ZBTB47: variants seen among roughly 807,000 people sequenced by gnomAD.
ZBTB47 encodes the protein zinc finger and BTB domain-containing protein 47.
A neutral mutation model predicts 56.6 loss-of-function variants in ZBTB47; 24 were observed. That is an observed-to-expected ratio of 0.42 (90% confidence interval 0.31 to 0.60). The LOEUF is 0.60. Ranked by LOEUF, ZBTB47 falls within the 20% of genes least tolerant of loss-of-function variation. ZBTB47 has a pLI of 0.14. For missense variants in ZBTB47, 829 were observed against 1,032.6 expected, an observed-to-expected ratio of 0.80 and a Z score of 2.70; for synonymous variants, 414 against 418.9, an observed-to-expected ratio of 0.99 and a Z score of 0.14.
Position 42,658,585 on chromosome 3 carries a change from C to T in ZBTB47, c.230C>T (p.Ser77Phe), listed in dbSNP as rs1455029635. The change falls in exon 2 of 6, where the codon TCC becomes TTC. Residue 77 changes from serine (S) to phenylalanine (F), a missense_variant. Ser to Phe is a radical substitution (Grantham distance 155). Around this residue, in one of 6 missense-constraint regions of ZBTB47, gnomAD observed 120 missense variants for 200.2 expected, o/e 0.60. Coordinates refer to ENST00000232974, the MANE Select transcript of ZBTB47 (RefSeq NM_145166.4). ...LQQILNFIYTSKLLVNAANVH... is the reference protein window; with the variant it reads ...LQQILNFIYTFKLLVNAANVH... ...CAGATCCTCAACTTCATCTATACGT[C>T]CAAGCTGCTGGTCAACGCGGCCAAC... 6.5e-7 allele frequency: 1 copy of T among 1,536,988 alleles called. No individual in the cohort carries two copies. The highest frequency in any genetic ancestry group is 8.7e-7 in the Non-Finnish European group (1 of 1,146,942).
rs951315401 is a variant in ZBTB47, at chr3:42,659,254, G to T, written c.899G>T (p.Arg300Leu). ...GAAGAGGAAGGTGGTGGCAGTGGAC[G>T]GGAGGAGGAGGAGGAGGAAGAGGGT... ...EEEEEGGGSG[R>L]EEEEEEEGGS... Residue 300 changes from arginine (R) to leucine (L), a missense_variant, in exon 2 of 6, where the codon CGG becomes CTG. Around this residue, in one of 6 missense-constraint regions of ZBTB47, gnomAD observed 359 missense variants for 359.8 expected, o/e 1.00. Coordinates refer to ENST00000232974, the MANE Select transcript of ZBTB47 (RefSeq NM_145166.4). 1 of 1,504,670 alleles carries T rather than the reference G, an allele frequency of 6.6e-7. No individual in the cohort carries two copies. The highest frequency in any genetic ancestry group is 8.9e-7 in the Non-Finnish European group (1 of 1,124,908). 93.2% of individuals were successfully genotyped at this position (1,504,670 alleles called of 1,614,324 possible).
rs966864884 is a variant in ZBTB47, at chr3:42,655,153, C to T, written c.-82+1270C>T. Among the ~76,000 whole-genome samples the T allele has an allele frequency of 3.3e-5, 5 of 152,290 alleles. No individual in the cohort carries two copies. In the South Asian group the frequency reaches 6.2e-4, roughly 19 times the overall value. On this transcript the variant is annotated intron_variant, in intron 1 of 5. Coordinates refer to ENST00000232974, the MANE Select transcript of ZBTB47 (RefSeq NM_145166.4). ...CCTGTGTGACCTTGGGCAGATCCCC[C>T]GCCCTCTCTGGGTCTATTTCCAAGG...
At chr3:42,664,018 A>T in intron 5 of ZBTB47, 77 bp downstream of exon 5, 1 of 1,516,506 alleles carries the variant, frequency 6.6e-7, no homozygotes, top group Non-Finnish European at 8.9e-7. Context: ...CACCTGGAAT[A>T]ATCTTGGCCA....
chr3:42,658,154 A>C, intron 1 of ZBTB47, 121 bp from the exon 2 acceptor site: 1 of 1,117,362 alleles, frequency 8.9e-7, no homozygotes, highest in Non-Finnish European at 1.2e-6. Context: ...GTTGCTGTAA[A>C]GTGGAGCCAC....
At position 42,654,799 on chromosome 3, in the gene ZBTB47, T is replaced by TC. The variant is rs1452574807; in HGVS notation, c.-82+922dup. 3.0e-6 allele frequency: 2 copies of TC among 666,978 alleles called. No homozygotes were observed. Among genetic ancestry groups the TC allele is most frequent in the African/African-American group, 2.0e-5 (1 of 50,426 alleles). 41.3% of individuals were successfully genotyped at this position (666,978 alleles called of 1,614,324 possible). A position where few individuals can be genotyped will look rare whatever the true frequency, so the allele number is the denominator to read the frequency against. On this transcript the variant is annotated intron_variant, in intron 1 of 5. Coordinates refer to ENST00000232974, the MANE Select transcript of ZBTB47 (RefSeq NM_145166.4). This position sits in a 1 kb window ranked among gnomAD's most constrained non-coding sequence, Gnocchi z 5.0. ...CCGGGTGGAGGGGCTGGAGGGATCT[T>TC]CCCCCCTCCCCCGGTCTCCCGGCTC...
intron 2 of ZBTB47, among the ~76,000 whole-genome samples, chr3:42,660,144 T>C (rs1300153109): frequency 6.7e-6 from 1 of 149,778 alleles, no homozygotes; most frequent in Non-Finnish European, 1.5e-5. Flanking sequence ...GAGTGGAGAG[T>C]TGTCTGAGCA....
In ZBTB47 at chr3:42,664,776, C is replaced by T; in HGVS notation, c.*178C>T. ...AGGAGGGGTATGCAGGCTGGCAGGC[C>T]CCAGAGCTGGTGGAGGGCATCTCAC... On this transcript the variant is annotated 3_prime_UTR_variant, in exon 6 of 6. Transcript: ENST00000232974. The T allele has an allele frequency of 3.1e-6, 2 of 647,466 alleles. No homozygotes were observed. Among genetic ancestry groups the T allele is most frequent in the Non-Finnish European group, 4.5e-6 (2 of 447,986 alleles). 40.1% of individuals were successfully genotyped at this position (647,466 alleles called of 1,614,324 possible).
At position 42,658,741 on chromosome 3, in the gene ZBTB47, C is replaced by T; in HGVS notation, c.386C>T (p.Ala129Val). The change falls in exon 2 of 6, where the codon GCC (alanine) becomes GTC (valine). Residue 129 changes from alanine (A) to valine (V), a missense_variant. This residue lies in a region of ZBTB47 where 120 missense variants were observed against 200.2 expected (regional missense o/e 0.60). Transcript: ENST00000232974. Reference sequence around the variant, plus strand: ...ACTGTGGCCCTGGCCCAGCCGGCTGCCAGCTGCACTCCAGCTGCGCCGCCC... The same window carrying T: ...ACTGTGGCCCTGGCCCAGCCGGCTGTCAGCTGCACTCCAGCTGCGCCGCCC... ...PGTVALAQPA[A>V]SCTPAAPPYY... The T allele has an allele frequency of 6.5e-7, 1 of 1,532,190 alleles. No homozygotes were observed. The highest frequency in any genetic ancestry group is 1.2e-5 in the South Asian group (1 of 83,578). The allele number at this position is 1,532,190 out of a possible 1,614,324, so 94.9% of individuals were successfully genotyped here.
intron 1 of ZBTB47, among the ~76,000 whole-genome samples, chr3:42,657,586 A>C (rs1247090435): frequency 2.0e-5 from 3 of 152,090 alleles, no homozygotes; most frequent in Non-Finnish European, 4.4e-5. Context: ...GAGTGGGGAG[A>C]AGGTATAGGC....
chr3:42,664,116 G>A (rs971829700), intron 5 of ZBTB47, 121 bp from the exon 6 acceptor site: 1 of 1,488,148 alleles, frequency 6.7e-7, no homozygotes, highest in Non-Finnish European at 9.0e-7. Context: ...CCCAGGGTCG[G>A]GGAGGATCTG....
chr3:42,661,168 C>T (rs1489542936), intron 2 of ZBTB47, among the ~76,000 whole-genome samples: 1 of 152,168 alleles, frequency 6.6e-6, no homozygotes, highest in Non-Finnish European at 1.5e-5. Flanking sequence ...TCTGCCTTAC[C>T]TCTATAGACA....
chr3:42,666,955 C>T lies in ZBTB47; in HGVS notation c.*2357C>T, dbSNP rs1159344982. On this transcript the variant is annotated 3_prime_UTR_variant, in exon 6 of 6. Coordinates refer to ENST00000232974, the MANE Select transcript of ZBTB47 (RefSeq NM_145166.4). ...GAGCCTGTGTCCCTGGTGCTAAGCACTCTCTTCACTTGGGCCATTGTTGGT... is the reference window on the plus strand; with the variant it reads ...GAGCCTGTGTCCCTGGTGCTAAGCATTCTCTTCACTTGGGCCATTGTTGGT... 6.6e-6 allele frequency among the ~76,000 whole-genome samples: 1 copy of T among 152,236 alleles called. No homozygotes were observed. The highest frequency in any genetic ancestry group is 2.4e-5 in the African/African-American group (1 of 41,472).
Position 42,664,269 on chromosome 3 carries a change from A to G in ZBTB47, c.1915A>G (p.Lys639Glu). 3 of 1,613,558 alleles carry G rather than the reference A, an allele frequency of 1.9e-6. No individual in the cohort carries two copies. The highest frequency in any genetic ancestry group is 8.5e-7 in the Non-Finnish European group (1 of 1,179,784). Residue 639 changes from lysine to glutamate, a missense_variant, in exon 6 of 6, where the codon AAG becomes GAG. Physicochemically the swap from Lys to Glu is moderately conservative, Grantham distance 56. This residue lies in a region of ZBTB47 where 44 missense variants were observed against 76.7 expected (regional missense o/e 0.57). Transcript: ENST00000232974. ...EKPYICEICG[K>E]SFTSRPNMKR... ...GCCGTACATCTGCGAGATCTGTGGC[A>G]AGAGCTTCACCAGCCGGCCCAACAT...
rs115666928 is a variant in ZBTB47 at position 42,661,657 on chromosome 3, G to A, written c.1621+25G>A. 3,570 of 1,612,524 alleles carry A rather than the reference G, an allele frequency of 2.2e-3. 84 individuals are homozygous for A. In the African/African-American group the frequency reaches 0.04, roughly 18 times the overall value. The stretch of plus-strand genomic sequence containing the variant: ...GGTAAGTCTGGGCCACTGGGGGATG[G>A]AGCCAGAGGATAGAGATGGACCAGC... On this transcript the variant is annotated intron_variant, in intron 3 of 5. Coordinates refer to ENST00000232974, the MANE Select transcript of ZBTB47 (RefSeq NM_145166.4).
Position 42,659,325 on chromosome 3 carries a change from G to T in ZBTB47, c.970G>T (p.Glu324Ter). The T allele has an allele frequency of 6.8e-7, 1 of 1,468,558 alleles. No homozygotes were observed. Among genetic ancestry groups the T allele is most frequent in the Non-Finnish European group, 9.2e-7 (1 of 1,092,280 alleles). The allele number at this position is 1,468,558 out of a possible 1,614,324, so 91.0% of individuals were successfully genotyped here. A position where few individuals can be genotyped will look rare whatever the true frequency, so the allele number is the denominator to read the frequency against. ...EEEEEEDGHS[E>*]QEEEEEEEEE... ...AGAAGAGGAGGAGGACGGGCACAGT[G>T]AGCAGGAAGAGGAAGAGGAGGAGGA... is the stretch of plus-strand genomic sequence containing the variant. Residue 324 changes from glutamate to a stop codon, truncating the protein, a stop_gained, in exon 2 of 6, where the codon GAG (glutamate) becomes TAG (stop). Coordinates refer to ENST00000232974, the MANE Select transcript of ZBTB47 (RefSeq NM_145166.4). LOFTEE classifies it high-confidence loss of function.
At chr3:42,661,738 G>A (rs1037996548) in intron 3 of ZBTB47, 106 bp downstream of exon 3, 6 of 1,448,292 alleles carry the variant, frequency 4.1e-6, no homozygotes, top group Non-Finnish European at 4.6e-6. Flanking sequence ...AAGGGGTGAG[G>A]AGGCCCCTCT....
chr3:42,661,850 C>T (rs1710725845), intron 3 of ZBTB47, among the ~76,000 whole-genome samples: 1 of 152,216 alleles, frequency 6.6e-6, no homozygotes, highest in Non-Finnish European at 1.5e-5. Flanking sequence ...GCACATTGCA[C>T]AAGGGTGCCT....
Position 42,663,056 on chromosome 3 carries a change from T to C in ZBTB47, c.1666T>C (p.Ser556Pro). 6.2e-7 allele frequency: 1 copy of C among 1,613,822 alleles called. No homozygotes were observed. Reference protein sequence around the residue: ...MPFTCETCGKSFKRSMSLKVH... With the variant: ...MPFTCETCGKPFKRSMSLKVH... ...CTTCACCTGCGAGACCTGCGGAAAG[T>C]CCTTCAAGCGCAGCATGTCCCTCAA... is the stretch of plus-strand genomic sequence containing the variant. Residue 556 changes from serine to proline, a missense_variant, in exon 4 of 6, where the codon TCC becomes CCC. Physicochemically the swap from Ser to Pro is moderately conservative, Grantham distance 74. This residue lies in a region of ZBTB47 where 187 missense variants were observed against 253.1 expected (regional missense o/e 0.74). Coordinates refer to ENST00000232974, the MANE Select transcript of ZBTB47 (RefSeq NM_145166.4). This position sits in a 1 kb window ranked among gnomAD's most constrained non-coding sequence, Gnocchi z 5.1.
rs1348644151 is a variant in ZBTB47, at chr3:42,667,569, G to A, written c.*2971G>A. Reference sequence around the variant, plus strand: ...GAGAGGATGAAGGGGAATAAAGTCAGTACAACTCGTGTCCCTTGGCCCAGC... The same window carrying A: ...GAGAGGATGAAGGGGAATAAAGTCAATACAACTCGTGTCCCTTGGCCCAGC... On this transcript the variant is annotated 3_prime_UTR_variant, in exon 6 of 6. Coordinates refer to ENST00000232974, the MANE Select transcript of ZBTB47 (RefSeq NM_145166.4). Among the ~76,000 whole-genome samples the A allele has an allele frequency of 6.6e-6, 1 of 152,240 alleles. No homozygotes were observed. The highest frequency in any genetic ancestry group is 1.5e-5 in the Non-Finnish European group (1 of 68,042).
Sources: allele counts gnomAD v4.1 joint callset (sites outside exome capture counted in the v4.1 genomes callset), GRCh38; gene constraint gnomAD v4.1.1; regional missense constraint gnomAD v4.1.1; non-coding constraint Gnocchi (gnomAD v3.1); transcripts MANE v1.5; gene names NCBI Gene and HGNC (gene_info 2026-07-23, HGNC 2026-07-21).